Variants in TMPO observed in about 807,000 individuals in gnomAD.
TMPO encodes LEM domain containing 4.
A neutral mutation model predicts 45.4 loss-of-function variants in TMPO; 22 were observed. The observed-to-expected ratio is 0.48, with a 90% confidence interval of 0.35 to 0.69. TMPO has a LOEUF of 0.69. Among genes scored for constraint, TMPO ranks in the 30% least tolerant of loss-of-function variants. TMPO has a pLI of 0.01. For missense variants in TMPO, 512 were observed against 548.8 expected, an observed-to-expected ratio of 0.93 and a Z score of 0.67; for synonymous variants, 241 against 204.1, an observed-to-expected ratio of 1.18 and a Z score of -1.54.
At position 98,533,258 on chromosome 12, in the gene TMPO, A is replaced by G. The variant is rs1278196276; in HGVS notation, c.565+1420A>G. 15 of 1,613,880 alleles carry G rather than the reference A, an allele frequency of 9.3e-6. No homozygotes were observed. Among genetic ancestry groups the G allele is most frequent in the Non-Finnish European group, 1.3e-5 (15 of 1,180,034 alleles). On this transcript the variant is annotated intron_variant, in intron 3 of 8. Transcript: ENST00000556029. ...GTAGAAAATATTTGCGGTAGAGAGA[A>G]AAGTGGAATTCAACCATTATGTCCT...
At chr12:98,516,231 G>A (rs983069651) in intron 1 of TMPO, 85 bp downstream of exon 1, 29 of 1,307,332 alleles carry the variant, frequency 2.2e-5, no homozygotes, top group African/African-American at 1.6e-4. Flanking sequence ...CCTCCCTCCC[G>A]GGCGCCCCCT....
intron 3 of TMPO, among the ~76,000 whole-genome samples, chr12:98,536,441 C>T (rs1430145288): frequency 6.6e-6 from 1 of 152,032 alleles, no homozygotes; most frequent in Non-Finnish European, 1.5e-5. Flanking sequence ...GCAACCTCCG[C>T]CTCCCAGGTT....
chr12:98,539,131 C>T (rs1183200724), intron 4 of TMPO, among the ~76,000 whole-genome samples: 2 of 151,800 alleles, frequency 1.3e-5, no homozygotes, highest in Non-Finnish European at 2.9e-5. Flanking sequence ...ACCTTGGAGG[C>T]GGAGGTTGCT....
intron 4 of TMPO, 176 bp downstream of exon 4, chr12:98,537,748 T>C: frequency 1.5e-6 from 1 of 682,922 alleles, no homozygotes; most frequent in Non-Finnish European, 2.6e-6. Flanking sequence ...TAGTGTAGCC[T>C]GTGATTACAG....
At chr12:98,533,578 G>T (rs1406291559) in intron 3 of TMPO, 1 of 1,614,066 alleles carries the variant, frequency 6.2e-7, no homozygotes, top group Non-Finnish European at 8.5e-7. Flanking sequence ...GGAGGAAAGG[G>T]ATTCAGGTTC....
chr12:98,517,816 C>A (rs981403786), intron 1 of TMPO, among the ~76,000 whole-genome samples: 5 of 152,220 alleles, frequency 3.3e-5, no homozygotes, highest in African/African-American at 1.2e-4. Context: ...TACCCGCTTA[C>A]CCGTTATGTT....
intron 3 of TMPO, chr12:98,533,538 A>G (rs377277295): frequency 6.2e-7 from 1 of 1,614,174 alleles, no homozygotes. Context: ...CTCCTCCAAG[A>G]AAAGTCCCTA....
rs550310186 is a variant in TMPO, at chr12:98,534,944, A to G, written c.566-2531A>G. On this transcript the variant is annotated intron_variant, in intron 3 of 8. Coordinates refer to ENST00000556029, the MANE Select transcript of TMPO (RefSeq NM_001032283.3). Reference sequence around the variant, plus strand: ...TCCACAGGCAAGATAAGCATGCACAAGAATTTAAATCTAGAGATACTTTTT... The same window carrying G: ...TCCACAGGCAAGATAAGCATGCACAGGAATTTAAATCTAGAGATACTTTTT... The G allele has an allele frequency of 6.1e-5, 57 of 931,038 alleles. No individual in the cohort carries two copies. In the South Asian group the frequency reaches 1.3e-3, roughly 21 times the overall value. 57.7% of individuals were successfully genotyped at this position (931,038 alleles called of 1,614,324 possible).
chr12:98,528,897 A>G (rs1364327097), intron 2 of TMPO, among the ~76,000 whole-genome samples: 1 of 152,050 alleles, frequency 6.6e-6, no homozygotes, highest in African/African-American at 2.4e-5. Context: ...GGGGGAAGTC[A>G]AAGTTGCAGT....
chr12:98,518,299 GTTA>G (rs780683332), intron 1 of TMPO, among the ~76,000 whole-genome samples: 43 of 151,990 alleles, frequency 2.8e-4, no homozygotes, highest in Middle Eastern at 3.4e-3. Context: ...AGAATTACTG[GTTA>G]TTATTTTTAG....
At chr12:98,524,152 G>A (rs185598058) in intron 1 of TMPO, among the ~76,000 whole-genome samples, 49 of 152,320 alleles carry the variant, frequency 3.2e-4, no homozygotes, top group Non-Finnish European at 4.1e-4. Context: ...ATGATAGTGC[G>A]TCTGCTTTCT....
chr12:98,537,905 G>C (rs1220090610), intron 4 of TMPO, among the ~76,000 whole-genome samples: 1 of 152,182 alleles, frequency 6.6e-6, no homozygotes, highest in South Asian at 2.1e-4. Context: ...GGCAATGGAA[G>C]GGTTTTATAT....
intron 2 of TMPO, among the ~76,000 whole-genome samples, chr12:98,530,981 A>G (rs545794224): frequency 4.6e-5 from 7 of 152,232 alleles, no homozygotes; most frequent in Non-Finnish European, 1.0e-4. Flanking sequence ...AGTGCATTAT[A>G]TAGTTGTGTG....
intron 2 of TMPO, among the ~76,000 whole-genome samples, chr12:98,528,848 A>G (rs1485791297): frequency 6.6e-6 from 1 of 152,058 alleles, no homozygotes; most frequent in Non-Finnish European, 1.5e-5. Context: ...TGTCCCAGCT[A>G]CTTAGGAGGC....
At chr12:98,516,873 G>T (rs1875883796) in intron 1 of TMPO, among the ~76,000 whole-genome samples, 1 of 152,140 alleles carries the variant, frequency 6.6e-6, no homozygotes, top group African/African-American at 2.4e-5. Flanking sequence ...GCAATGGCGA[G>T]ATCTCGGCTC....
chr12:98,538,661 G>A (rs1043928072), intron 4 of TMPO, among the ~76,000 whole-genome samples: 9 of 151,940 alleles, frequency 5.9e-5, no homozygotes, highest in South Asian at 4.1e-4. Context: ...CCTGTTTGTC[G>A]TTTTAAAATC....
chr12:98,522,175 C>CAT (rs1876422402), intron 1 of TMPO, among the ~76,000 whole-genome samples: 2 of 152,092 alleles, frequency 1.3e-5, no homozygotes, highest in Non-Finnish European at 2.9e-5. Flanking sequence ...TGCCACCATG[C>CAT]CTAGCTGATT....
At chr12:98,545,192 A>T in intron 7 of TMPO, 131 bp downstream of exon 7, 6 of 662,994 alleles carry the variant, frequency 9.0e-6, no homozygotes, top group Non-Finnish European at 5.2e-6. Context: ...GGTGTGTGTA[A>T]ATATGCATAA....
At chr12:98,518,470 CT>C (rs11437786) in intron 1 of TMPO, among the ~76,000 whole-genome samples, 4,667 of 83,484 alleles carry the variant, frequency 0.056, 90 homozygotes, top group Middle Eastern at 0.078. Context: ...ATTTTCTAAT[CT>C]TTTTTTTTTT....
Sources: gnomAD v4.1 joint callset for allele counts (sites outside exome capture counted in the v4.1 genomes callset) on GRCh38, gnomAD v4.1.1 for gene constraint, MANE v1.5 for transcripts, NCBI Gene and HGNC (gene_info 2026-07-23, HGNC 2026-07-21) for gene names.